The following TRPS1 variants were observed in gnomAD, a reference collection of about 807,000 sequenced individuals.
TRPS1 encodes zinc finger transcription factor Trps1.
A neutral mutation model predicts 101.2 loss-of-function variants in TRPS1; 6 were observed. The observed-to-expected ratio is 0.06, with a 90% confidence interval of 0.03 to 0.12. The LOEUF (loss-of-function observed/expected upper bound fraction) is 0.12, where lower values mean the gene tolerates loss of function less well. Ranked by LOEUF, TRPS1 falls within the 10% of genes least tolerant of loss-of-function variation. The probability of loss-of-function intolerance (pLI) is 1.00; values close to 1 mark genes in which losing one functional copy is unlikely to be tolerated. For synonymous variants in TRPS1, 578 were observed against 589.8 expected, an observed-to-expected ratio of 0.98 and a Z score of 0.29; for missense variants, 1,363 against 1,567.0, an observed-to-expected ratio of 0.87 and a Z score of 2.20.
Position 115,536,940 on chromosome 8 carries a change from T to C in TRPS1, c.2700+50061A>G, listed in dbSNP as rs117414967. On this transcript the variant is annotated intron_variant, in intron 5 of 6. Transcript: ENST00000395715. ...TATTCCATTTAAATAAAGTTATAAA[T>C]TGCCTTAAAGGAAAATTGAATTTGT... 6.2e-3 allele frequency among the ~76,000 whole-genome samples: 949 copies of C among 152,208 alleles called. 3 individuals are homozygous for C. Among genetic ancestry groups the C allele is most frequent in the Middle Eastern group, 0.014 (4 of 292 alleles).
chr8:115,565,473 G>GA (rs1479350161), intron 5 of TRPS1, among the ~76,000 whole-genome samples: 2 of 126,618 alleles, frequency 1.6e-5, no homozygotes, highest in African/African-American at 3.4e-5. Flanking sequence ...AATTGCATTG[G>GA]AAAAAATGAC....
At chr8:115,469,119 T>A (rs11786044) in intron 5 of TRPS1, among the ~76,000 whole-genome samples, 48,790 of 152,004 alleles carry the variant, frequency 0.32, 9,306 homozygotes, top group Non-Finnish European at 0.45. Context: ...CCAGTCTGGG[T>A]GACAGAGTAA....
At chr8:115,538,479 T>C (rs370411450) in intron 5 of TRPS1, among the ~76,000 whole-genome samples, 2 of 152,292 alleles carry the variant, frequency 1.3e-5, no homozygotes, top group Admixed American at 1.3e-4. Context: ...TCAGTATTTT[T>C]GGACATTTTT....
At chr8:115,532,068 T>G (rs1816146440) in intron 5 of TRPS1, among the ~76,000 whole-genome samples, 1 of 152,094 alleles carries the variant, frequency 6.6e-6, no homozygotes, top group Non-Finnish European at 1.5e-5. Context: ...TGTTGAGATA[T>G]TCATAAAGAG....
In TRPS1 at chr8:115,426,613, A is replaced by C. The variant is rs1286582890; in HGVS notation, c.2701-8161T>G. Among the ~76,000 whole-genome samples, 10 of 152,340 alleles carry C rather than the reference A, an allele frequency of 6.6e-5. No individual in the cohort carries two copies. The South Asian group carries it at 1.9e-3, about 28-fold the overall frequency. ...CCCTCGAGGCAGCTATATACAATTC[A>C]GTGGTTCCTCGATGGTTTCTCACAC... is the stretch of plus-strand genomic sequence containing the variant. On this transcript the variant is annotated intron_variant, in intron 5 of 6. Transcript: ENST00000395715.
chr8:115,605,453 A>G (rs1818014291), intron 3 of TRPS1, among the ~76,000 whole-genome samples: 1 of 152,194 alleles, frequency 6.6e-6, no homozygotes, highest in East Asian at 1.9e-4. Context: ...GATGTTCTCC[A>G]AGGAAATATT....
intron 5 of TRPS1, among the ~76,000 whole-genome samples, chr8:115,480,795 A>C (rs1814733990): frequency 6.6e-6 from 1 of 152,116 alleles, no homozygotes; most frequent in African/African-American, 2.4e-5. Flanking sequence ...ACCTCTTCTG[A>C]AGTGCCAATC....
rs148304114 is a variant in TRPS1, at chr8:115,552,438, A to G, written c.2700+34563T>C. ...TACTCCTACCACTTTATCCCTTCAC[A>G]TCATGAAAAAGCAATAATCCTGTTA... On this transcript the variant is annotated intron_variant, in intron 5 of 6. Transcript: ENST00000395715. Among the ~76,000 whole-genome samples the G allele has an allele frequency of 4.6e-5, 7 of 152,290 alleles. No homozygotes were observed. In the East Asian group the frequency reaches 9.7e-4, roughly 21 times the overall value.
At chr8:115,598,019 T>A (rs1186839840) in intron 4 of TRPS1, among the ~76,000 whole-genome samples, 1 of 152,168 alleles carries the variant, frequency 6.6e-6, no homozygotes, top group Non-Finnish European at 1.5e-5. Flanking sequence ...CAGACACAGG[T>A]TAAGACTTTT....
At chr8:115,623,460 C>A in intron 2 of TRPS1, 141 bp downstream of exon 2, 3 of 853,908 alleles carry the variant, frequency 3.5e-6, no homozygotes, top group Non-Finnish European at 5.4e-6. Context: ...ACTCCCCTAG[C>A]GAGTCGTAAG....
intron 5 of TRPS1, among the ~76,000 whole-genome samples, chr8:115,447,265 G>A (rs1386414825): frequency 6.6e-6 from 1 of 152,104 alleles, no homozygotes; most frequent in Non-Finnish European, 1.5e-5. Context: ...TCATGTGATT[G>A]AAACAAGAGA....
intron 3 of TRPS1, 39 bp from the exon 4 acceptor site, chr8:115,605,041 C>A: frequency 1.9e-6 from 3 of 1,596,960 alleles, no homozygotes; most frequent in South Asian, 1.1e-5. Flanking sequence ...TCCAAGGTGT[C>A]ATTAATTCAA....
At chr8:115,591,017 A>G (rs943447550) in intron 4 of TRPS1, among the ~76,000 whole-genome samples, 4 of 152,082 alleles carry the variant, frequency 2.6e-5, no homozygotes, top group African/African-American at 9.7e-5. Context: ...CCTTTGCTTT[A>G]GGACATGGCC....
At chr8:115,482,508 A>C (rs1814779118) in intron 5 of TRPS1, among the ~76,000 whole-genome samples, 1 of 152,218 alleles carries the variant, frequency 6.6e-6, no homozygotes, top group Non-Finnish European at 1.5e-5. Flanking sequence ...ATTAACAATG[A>C]CTACATCTTC....
intron 5 of TRPS1, among the ~76,000 whole-genome samples, chr8:115,571,886 T>C (rs1218050098): frequency 1.3e-5 from 2 of 152,040 alleles, no homozygotes; most frequent in Non-Finnish European, 2.9e-5. Flanking sequence ...ATAATATGTA[T>C]ATACGACCCT....
intron 5 of TRPS1, among the ~76,000 whole-genome samples, chr8:115,488,891 T>C (rs1277830956): frequency 6.6e-6 from 1 of 152,220 alleles, no homozygotes; most frequent in Admixed American, 6.5e-5. Context: ...AATGAGGTTA[T>C]GTATTAATAT....
intron 1 of TRPS1, among the ~76,000 whole-genome samples, chr8:115,655,154 C>T (rs1037758522): frequency 5.9e-5 from 9 of 152,104 alleles, no homozygotes; most frequent in Non-Finnish European, 7.4e-5. Context: ...AGCTCAAGTC[C>T]GTTCTGTCAC....
In TRPS1 at chr8:115,410,448, A is replaced by C. The variant is rs567600358; in HGVS notation, c.*3575T>G. The C allele has an allele frequency of 5.2e-5, 8 of 152,610 alleles. No individual in the cohort carries two copies. Among genetic ancestry groups the C allele is most frequent in the Non-Finnish European group, 1.5e-5 (1 of 67,966 alleles). The allele number at this position is 152,610 out of a possible 1,614,324, so 9.5% of individuals were successfully genotyped here. A position where few individuals can be genotyped will look rare whatever the true frequency, so the allele number is the denominator to read the frequency against. ...AAATCTACCTTCACTAAAACAGAACAGTTTAGAACAGAACATCACTATCTT... is the reference window on the plus strand; with the variant it reads ...AAATCTACCTTCACTAAAACAGAACCGTTTAGAACAGAACATCACTATCTT... On this transcript the variant is annotated 3_prime_UTR_variant, in exon 7 of 7. Coordinates refer to ENST00000395715, the MANE Select transcript of TRPS1 (RefSeq NM_014112.5).
In TRPS1 at chr8:115,428,626, C is replaced by G. The variant is rs538811222; in HGVS notation, c.2701-10174G>C. Among the ~76,000 whole-genome samples the G allele has an allele frequency of 1.2e-4, 19 of 152,196 alleles. No individual in the cohort carries two copies. In the South Asian group the frequency reaches 3.7e-3, roughly 30 times the overall value. On this transcript the variant is annotated intron_variant, in intron 5 of 6. Transcript: ENST00000395715. ...ACTATGAATGTGTCCACAAAAAGAG[C>G]CTGACACCAAATATGCAATTTGGAT...
Sources: allele counts gnomAD v4.1 joint callset (sites outside exome capture counted in the v4.1 genomes callset), GRCh38; gene constraint gnomAD v4.1.1; transcripts MANE v1.5; gene names NCBI Gene and HGNC (gene_info 2026-07-23, HGNC 2026-07-21).